DOP1B: variants seen among roughly 807,000 people sequenced by gnomAD.
The protein encoded by DOP1B is DOP1 leucine zipper like protein B.
In DOP1B, 174 loss-of-function variants were observed where a neutral mutation model predicts 233.5. That is an observed-to-expected ratio of 0.75 (90% CI 0.66 to 0.85). The LOEUF (loss-of-function observed/expected upper bound fraction) is 0.85, where lower values mean the gene tolerates loss of function less well. DOP1B is among the 40% of genes least tolerant of loss of function. The pLI, the probability that DOP1B is intolerant of heterozygous loss-of-function variation, is 0.00. For synonymous variants in DOP1B, 1,190 were observed against 1,185.6 expected, an observed-to-expected ratio of 1.00 and a Z score of -0.08; for missense variants, 2,652 against 2,846.6, an observed-to-expected ratio of 0.93 and a Z score of 1.56.
intron 4 of DOP1B, among the ~76,000 whole-genome samples, chr21:36,202,563 G>A (rs1410052393): frequency 6.6e-6 from 1 of 152,168 alleles, no homozygotes; most frequent in Non-Finnish European, 1.5e-5. Context: ...CAAGTAATCA[G>A]AATGGTTTGA....
At position 36,223,461 on chromosome 21, in the gene DOP1B, CT is replaced by C. The variant is rs1569031326; in HGVS notation, c.1370+114del. 2.9e-6 allele frequency: 4 copies of C among 1,384,296 alleles called. No individual in the cohort carries two copies. The African/African-American group carries it at 4.6e-5, about 16-fold the overall frequency. 85.8% of individuals were successfully genotyped at this position (1,384,296 alleles called of 1,614,324 possible). ...ATATAAGTAGCTGAAGCTGAGTAGT[CT>C]TTCCTGAGTTTTAAAATTCAACTAA... On this transcript the variant is annotated intron_variant, in intron 11 of 36. Coordinates refer to ENST00000691173, the MANE Select transcript of DOP1B (RefSeq NM_001320714.2).
intron 28 of DOP1B, 101 bp downstream of exon 28, chr21:36,277,201 G>T: frequency 8.5e-7 from 1 of 1,177,386 alleles, no homozygotes; most frequent in Admixed American, 2.0e-5. Flanking sequence ...AGCGTGGGCC[G>T]CACCCTCCCA....
At chr21:36,232,781 C>T (rs749455749) in intron 14 of DOP1B, 23 bp from the exon 15 acceptor site, 1 of 1,611,346 alleles carries the variant, frequency 6.2e-7, no homozygotes, top group South Asian at 1.1e-5. Flanking sequence ...TTGTTTCTGC[C>T]TCTCCGGCTG....
chr21:36,256,456 G>T (rs773148865), intron 23 of DOP1B, among the ~76,000 whole-genome samples: 2 of 152,040 alleles, frequency 1.3e-5, no homozygotes, highest in Non-Finnish European at 2.9e-5. Context: ...AAGAAAATTC[G>T]TGCAATGGAA....
intron 27 of DOP1B, among the ~76,000 whole-genome samples, chr21:36,271,383 C>T (rs1378149467): frequency 6.6e-6 from 1 of 151,770 alleles, no homozygotes; most frequent in Non-Finnish European, 1.5e-5. Flanking sequence ...AAGCCATTCT[C>T]CTGCCTCAGC....
chr21:36,238,192 A>G (rs1252126406), intron 16 of DOP1B, among the ~76,000 whole-genome samples: 1 of 152,176 alleles, frequency 6.6e-6, no homozygotes, highest in Non-Finnish European at 1.5e-5. Flanking sequence ...AAAAATAATA[A>G]TAAACCAATT....
chr21:36,285,602 A>G (rs1020658039), intron 32 of DOP1B, among the ~76,000 whole-genome samples: 1 of 152,100 alleles, frequency 6.6e-6, no homozygotes, highest in Non-Finnish European at 1.5e-5. Flanking sequence ...GCTGTGGGAC[A>G]CTGAACTTGC....
chr21:36,201,433 C>T (rs1338581747), intron 4 of DOP1B, among the ~76,000 whole-genome samples: 9 of 145,190 alleles, frequency 6.2e-5, no homozygotes, highest in Non-Finnish European at 1.2e-4. Context: ...CTACAACCTC[C>T]GCCTCCTGGG....
chr21:36,169,650 CCTT>C, intron 2 of DOP1B: 3 of 912,046 alleles, frequency 3.3e-6, no homozygotes, highest in Admixed American at 1.7e-5. Flanking sequence ...ATCAGCTGGG[CCTT>C]CTTCTGGCGC....
At chr21:36,205,532 G>C (rs888713599) in intron 4 of DOP1B, among the ~76,000 whole-genome samples, 1 of 151,970 alleles carries the variant, frequency 6.6e-6, no homozygotes, top group Admixed American at 6.6e-5. Context: ...GGGATTACAG[G>C]TGCGAACCAC....
intron 2 of DOP1B, among the ~76,000 whole-genome samples, chr21:36,171,026 G>A (rs1183879513): frequency 1.3e-5 from 2 of 152,194 alleles, no homozygotes; most frequent in Non-Finnish European, 2.9e-5. Context: ...AGAGCTCACT[G>A]CGTGCTAAGG....
Position 36,230,467 on chromosome 21 carries a change from A to C in DOP1B, c.1683A>C (p.Glu561Asp). ...TSGTSSPVKG[E>D]NGKIILETKA... The stretch of plus-strand genomic sequence containing the variant: ...TTTTACAGAGTCCAGTAAAAGGTGA[A>C]AACGGCAAAATAATTTTGGAAACAA... Residue 561 changes from glutamate (E) to aspartate (D), a missense_variant, in exon 14 of 37, where the codon GAA becomes GAC. Around this residue, in one of 3 missense-constraint regions of DOP1B, gnomAD observed 2,617 missense variants for 2,794.3 expected, o/e 0.94. Transcript: ENST00000691173. The C allele has an allele frequency of 6.2e-7, 1 of 1,609,572 alleles. No homozygotes were observed.
At chr21:36,207,190 CTT>C (rs538192155) in intron 4 of DOP1B, among the ~76,000 whole-genome samples, 1 of 135,960 alleles carries the variant, frequency 7.4e-6, no homozygotes, top group Admixed American at 7.4e-5. Context: ...TTTTTCTTTT[CTT>C]TTTTTTTTTT....
intron 23 of DOP1B, among the ~76,000 whole-genome samples, chr21:36,257,114 G>A (rs989083904): frequency 1.3e-5 from 2 of 152,090 alleles, no homozygotes; most frequent in African/African-American, 2.4e-5. Context: ...CCAGAAACAC[G>A]TTTACTGGTT....
chr21:36,245,635 G>A lies in DOP1B; in HGVS notation c.3655G>A (p.Glu1219Lys), dbSNP rs1003071122. The A allele has an allele frequency of 6.2e-6, 10 of 1,613,268 alleles. No homozygotes were observed. The highest frequency in any genetic ancestry group is 5.0e-5 in the Admixed American group (3 of 59,982). The part of the protein sequence containing the change: ...RLLKQQRERQ[E>K]AVEALFKHIL... Reference sequence around the variant, plus strand: ...GCTAAAGCAGCAGCGGGAAAGGCAGGAGGCCGTCGAGGCCTTGTTCAAGCA... The same window carrying A: ...GCTAAAGCAGCAGCGGGAAAGGCAGAAGGCCGTCGAGGCCTTGTTCAAGCA... The change falls in exon 19 of 37, where the codon GAG (glutamate) becomes AAG (lysine). Residue 1219 changes from glutamate to lysine, a missense_variant. Around this residue, in one of 3 missense-constraint regions of DOP1B, gnomAD observed 2,617 missense variants for 2,794.3 expected, o/e 0.94. Coordinates refer to ENST00000691173, the MANE Select transcript of DOP1B (RefSeq NM_001320714.2). The surrounding 1 kb of genome is among the most constrained non-coding windows in gnomAD (Gnocchi z 5.5).
At position 36,248,369 on chromosome 21, in the gene DOP1B, T is replaced by C. The variant is rs759567385; in HGVS notation, c.4810-11T>C. 1.1e-5 allele frequency: 18 copies of C among 1,612,094 alleles called. No homozygotes were observed. Among genetic ancestry groups the C allele is most frequent in the Non-Finnish European group, 1.4e-5 (17 of 1,179,262 alleles). On this transcript the variant is annotated splice_polypyrimidine_tract_variant and intron_variant, in intron 20 of 36. Transcript: ENST00000691173. ...ACACAGCCTGCCTCATGTATTCATT[T>C]TAATTTTTAGACCATGGCTGCAGGT...
chr21:36,226,407 C>G (rs542717039), intron 12 of DOP1B, among the ~76,000 whole-genome samples: 1 of 151,842 alleles, frequency 6.6e-6, no homozygotes, highest in Non-Finnish European at 1.5e-5. Context: ...AAGTGATTCT[C>G]CTGCCTCGGC....
In DOP1B at chr21:36,285,330, G is replaced by T. The variant is rs1404824624; in HGVS notation, c.6161-2684G>T. Among the ~76,000 whole-genome samples the T allele has an allele frequency of 2.0e-5, 3 of 152,134 alleles. No homozygotes were observed. In the South Asian group the frequency reaches 6.2e-4, roughly 31 times the overall value. ...CCGCCTCAGCCTCCCAAAGTGCTGG[G>T]ATTACAGGCATGAGCCACCATGTCT... On this transcript the variant is annotated intron_variant, in intron 32 of 36. Coordinates refer to ENST00000691173, the MANE Select transcript of DOP1B (RefSeq NM_001320714.2).
chr21:36,245,287 G>T lies in DOP1B; in HGVS notation c.3307G>T (p.Ala1103Ser). The T allele has an allele frequency of 6.2e-7, 1 of 1,614,040 alleles. No homozygotes were observed. Among genetic ancestry groups the T allele is most frequent in the Non-Finnish European group, 8.5e-7 (1 of 1,180,042 alleles). ...VELPDRTAHG[A>S]PDSSEHTESA... is the part of the protein sequence containing the mutation. ...GCTTCCAGACAGGACGGCCCACGGCGCCCCGGACAGCAGCGAGCACACCGA... is the reference window on the plus strand; with the variant it reads ...GCTTCCAGACAGGACGGCCCACGGCTCCCCGGACAGCAGCGAGCACACCGA... Residue 1103 changes from alanine (A) to serine (S), a missense_variant, in exon 19 of 37, where the codon GCC becomes TCC. Physicochemically the swap from Ala to Ser is moderately conservative, Grantham distance 99. Around this residue, in one of 3 missense-constraint regions of DOP1B, gnomAD observed 2,617 missense variants for 2,794.3 expected, o/e 0.94. Transcript: ENST00000691173. This position sits in a 1 kb window ranked among gnomAD's most constrained non-coding sequence, Gnocchi z 5.5.
Sources: allele counts gnomAD v4.1 joint callset (sites outside exome capture counted in the v4.1 genomes callset), GRCh38; gene constraint gnomAD v4.1.1; regional missense constraint gnomAD v4.1.1; non-coding constraint Gnocchi (gnomAD v3.1); transcripts MANE v1.5; gene names NCBI Gene and HGNC (gene_info 2026-07-23, HGNC 2026-07-21).